PTPRD: variants seen among roughly 807,000 people sequenced by gnomAD.
PTPRD encodes the protein protein tyrosine phosphatase receptor type D, also known as receptor-type tyrosine-protein phosphatase delta.
A neutral mutation model predicts 214.5 loss-of-function variants in PTPRD; 34 were observed. The ratio of observed to expected loss-of-function variants is 0.16; its 90% CI spans 0.12 to 0.21. PTPRD has a LOEUF of 0.21. Ranked by LOEUF, PTPRD falls within the 10% of genes least tolerant of loss-of-function variation. The pLI is 1.00. For missense variants in PTPRD, 2,545 were observed against 2,398.7 expected (o/e 1.06, Z -1.27); for synonymous variants, 1,128 against 845.7 (o/e 1.33, Z -5.79).
intron 11 of PTPRD, among the ~76,000 whole-genome samples, chr9:8,982,902 A>C (rs1320452775): frequency 6.6e-6 from 1 of 152,070 alleles, no homozygotes; most frequent in Non-Finnish European, 1.5e-5. Context: ...CTAATAATGT[A>C]GCTTCCATAA....
intron 6 of PTPRD, among the ~76,000 whole-genome samples, chr9:9,749,128 C>T (rs2098487909): frequency 6.6e-6 from 1 of 152,110 alleles, no homozygotes; most frequent in Admixed American, 6.5e-5. Flanking sequence ...TGGCAGAAGA[C>T]CCTGAGCACA....
chr9:9,666,178 A>T (rs2096718130), intron 7 of PTPRD, among the ~76,000 whole-genome samples: 1 of 151,916 alleles, frequency 6.6e-6, no homozygotes, highest in African/African-American at 2.4e-5. Flanking sequence ...AACTTTATTT[A>T]TAGCACTAAA....
chr9:10,006,619 G>A (rs2096482778), intron 4 of PTPRD, among the ~76,000 whole-genome samples: 1 of 151,930 alleles, frequency 6.6e-6, no homozygotes, highest in Non-Finnish European at 1.5e-5. Flanking sequence ...TAACTGAGCA[G>A]GGTGTGTCCC....
At chr9:10,351,955 G>C (rs1262775882) in intron 2 of PTPRD, among the ~76,000 whole-genome samples, 2 of 151,960 alleles carry the variant, frequency 1.3e-5, no homozygotes, top group African/African-American at 4.8e-5. Context: ...TTTTGAGTCA[G>C]TATTAGCTAT....
At chr9:10,282,689 A>G (rs917824957) in intron 3 of PTPRD, among the ~76,000 whole-genome samples, 1 of 152,002 alleles carries the variant, frequency 6.6e-6, no homozygotes, top group African/African-American at 2.4e-5. Context: ...ATAGAATATT[A>G]AAGAAGTACA....
chr9:9,726,640 C>G (rs2098097463), intron 7 of PTPRD, among the ~76,000 whole-genome samples: 1 of 152,070 alleles, frequency 6.6e-6, no homozygotes, highest in South Asian at 2.1e-4. Flanking sequence ...AATGGTAAGC[C>G]AATTCAGCAT....
intron 14 of PTPRD, among the ~76,000 whole-genome samples, chr9:8,586,554 C>T (rs1485479128): frequency 1.3e-5 from 2 of 152,102 alleles, no homozygotes; most frequent in Non-Finnish European, 2.9e-5. Flanking sequence ...TTGGTTAAAT[C>T]ATTCCATTTT....
intron 10 of PTPRD, among the ~76,000 whole-genome samples, chr9:9,020,692 T>C (rs571073620): frequency 6.6e-6 from 1 of 152,244 alleles, no homozygotes; most frequent in South Asian, 2.1e-4. Flanking sequence ...CAAATGGAAA[T>C]GTTAAGTTGG....
At chr9:10,244,607 C>T (rs1001069509) in intron 3 of PTPRD, among the ~76,000 whole-genome samples, 1 of 152,098 alleles carries the variant, frequency 6.6e-6, no homozygotes, top group African/African-American at 2.4e-5. Flanking sequence ...GCCAGGGAAT[C>T]ATCCTACCAT....
chr9:9,971,197 C>T (rs2095078903), intron 4 of PTPRD, among the ~76,000 whole-genome samples: 1 of 151,952 alleles, frequency 6.6e-6, no homozygotes, highest in South Asian at 2.1e-4. Context: ...AAAATAAAAA[C>T]ATCAGGTAAG....
chr9:9,799,746 T>A (rs922884603), intron 5 of PTPRD: 7 of 152,126 alleles, frequency 4.6e-5, no homozygotes, highest in African/African-American at 1.7e-4. Context: ...CCAATGAATA[T>A]AAATAAAGGG....
chr9:9,358,584 G>T (rs2054770712), intron 9 of PTPRD, among the ~76,000 whole-genome samples: 2 of 151,320 alleles, frequency 1.3e-5, no homozygotes, highest in South Asian at 4.2e-4. Context: ...GTATGTACTT[G>T]CTAACTATGC....
chr9:9,706,767 T>C (rs2097622199), intron 7 of PTPRD, among the ~76,000 whole-genome samples: 1 of 151,998 alleles, frequency 6.6e-6, no homozygotes, highest in African/African-American at 2.4e-5. Context: ...CTCCATTGAG[T>C]ATCCAAATAA....
chr9:9,728,692 G>C (rs973368848), intron 7 of PTPRD, among the ~76,000 whole-genome samples: 3 of 152,096 alleles, frequency 2.0e-5, no homozygotes, highest in Admixed American at 1.3e-4. Context: ...CTTTAATTTA[G>C]AAATTGTTGT....
At chr9:8,402,629 T>C (rs1190117682) in intron 36 of PTPRD, among the ~76,000 whole-genome samples, 4 of 152,194 alleles carry the variant, frequency 2.6e-5, no homozygotes, top group African/African-American at 9.6e-5. Context: ...TCTCTGCTAT[T>C]TGTGACTCAG....
rs529713030 is a variant in PTPRD at position 8,638,530 on chromosome 9, T to C, written c.65-1686A>G. Among the ~76,000 whole-genome samples the C allele has an allele frequency of 2.1e-4, 32 of 152,350 alleles. No individual in the cohort carries two copies. The South Asian group carries it at 6.6e-3, about 32-fold the overall frequency. Reference sequence around the variant, plus strand: ...GCAAAACTATGACATATGAAATAAATTAATTTGCAGAAATTGCTTCCAGTT... The same window carrying C: ...GCAAAACTATGACATATGAAATAAACTAATTTGCAGAAATTGCTTCCAGTT... On this transcript the variant is annotated intron_variant, in intron 12 of 45. Transcript: ENST00000381196.
intron 10 of PTPRD, among the ~76,000 whole-genome samples, chr9:9,147,372 C>G (rs1182384304): frequency 6.6e-6 from 1 of 151,450 alleles, no homozygotes; most frequent in Non-Finnish European, 1.5e-5. Flanking sequence ...AATTTTTATT[C>G]TATTTATTTA....
At chr9:9,133,987 C>T (rs193116902) in intron 10 of PTPRD, among the ~76,000 whole-genome samples, 45 of 152,052 alleles carry the variant, frequency 3.0e-4, no homozygotes, top group Admixed American at 6.5e-5. Context: ...CACACCTTAC[C>T]TCCATCCCCA....
chr9:9,426,667 G>A (rs540457467), intron 8 of PTPRD, among the ~76,000 whole-genome samples: 4 of 152,230 alleles, frequency 2.6e-5, no homozygotes, highest in South Asian at 2.1e-4. Context: ...AGTAGGGGCC[G>A]ACTGACACCT....
Sources: gnomAD v4.1 joint callset for allele counts (sites outside exome capture counted in the v4.1 genomes callset) on GRCh38, gnomAD v4.1.1 for gene constraint, MANE v1.5 for transcripts, NCBI Gene and HGNC (gene_info 2026-07-23, HGNC 2026-07-21) for gene names.